The following SLC30A8 variants were observed in gnomAD, a reference collection of about 807,000 sequenced individuals.
SLC30A8 encodes the protein proton-coupled zinc antiporter SLC30A8.
In SLC30A8, 27 loss-of-function variants were observed where a neutral mutation model predicts 36.9. That is an observed-to-expected ratio of 0.73 (90% confidence interval 0.54 to 1.01). The LOEUF is 1.01. Ranked by LOEUF, SLC30A8 falls within the 50% of genes least tolerant of loss-of-function variation. The probability of loss-of-function intolerance (pLI) is 0.00; values close to 1 mark genes in which losing one functional copy is unlikely to be tolerated. For missense variants in SLC30A8, 439 were observed against 452.0 expected (o/e 0.97, Z 0.26); for synonymous variants, 164 against 172.4 (o/e 0.95, Z 0.38).
chr8:117,007,363 T>C (rs1816217913), intron 1 of SLC30A8, among the ~76,000 whole-genome samples: 1 of 152,234 alleles, frequency 6.6e-6, no homozygotes, highest in South Asian at 2.1e-4. Context: ...AAAATTAAAA[T>C]CTCTTTTCCT....
At chr8:117,148,037 T>A (rs906854996) in intron 2 of SLC30A8, among the ~76,000 whole-genome samples, 5 of 152,088 alleles carry the variant, frequency 3.3e-5, no homozygotes, top group African/African-American at 1.2e-4. Context: ...TTTGTTATAT[T>A]AGTTATAAGT....
At chr8:117,041,620 CGTA>C (rs1188045836) in intron 2 of SLC30A8, among the ~76,000 whole-genome samples, 1 of 151,708 alleles carries the variant, frequency 6.6e-6, no homozygotes, top group Non-Finnish European at 1.5e-5. Context: ...ATCCAGGAGG[CGTA>C]GGAGGCAGTG....
At chr8:117,060,839 G>A (rs976236875) in intron 2 of SLC30A8, among the ~76,000 whole-genome samples, 1 of 152,050 alleles carries the variant, frequency 6.6e-6, no homozygotes, top group African/African-American at 2.4e-5. Context: ...AGGTAACTTT[G>A]CCTCTCATCA....
At chr8:117,026,065 G>C (rs984693319) in intron 1 of SLC30A8, among the ~76,000 whole-genome samples, 2 of 152,146 alleles carry the variant, frequency 1.3e-5, no homozygotes, top group African/African-American at 4.8e-5. Flanking sequence ...GATGCAGGGG[G>C]GAGAAAAGGA....
chr8:117,015,524 A>G (rs556657152), intron 1 of SLC30A8, among the ~76,000 whole-genome samples: 1 of 128,770 alleles, frequency 7.8e-6, no homozygotes, highest in African/African-American at 3.2e-5. Context: ...AATAAATTAG[A>G]TGCTATTATG....
At chr8:117,152,398 C>T (rs1822233295) in intron 2 of SLC30A8, among the ~76,000 whole-genome samples, 1 of 152,128 alleles carries the variant, frequency 6.6e-6, no homozygotes, top group South Asian at 2.1e-4. Context: ...TGGAAGGTAC[C>T]TGCCCTTTCT....
At chr8:116,979,238 C>CAAAAAAAA (rs67998633) in intron 1 of SLC30A8, among the ~76,000 whole-genome samples, 2 of 64,308 alleles carry the variant, frequency 3.1e-5, no homozygotes, top group Non-Finnish European at 2.8e-5. Flanking sequence ...GACCCTGTCT[C>CAAAAAAAA]AAAAAAAAAA....
At chr8:117,009,947 A>G (rs1816294789) in intron 1 of SLC30A8, among the ~76,000 whole-genome samples, 1 of 152,210 alleles carries the variant, frequency 6.6e-6, no homozygotes, top group Non-Finnish European at 1.5e-5. Flanking sequence ...GGCAAAGCCA[A>G]CGCACTTGAC....
At chr8:117,078,929 C>G (rs1818574995) in intron 2 of SLC30A8, among the ~76,000 whole-genome samples, 2 of 152,118 alleles carry the variant, frequency 1.3e-5, no homozygotes, top group South Asian at 4.1e-4. Context: ...CTCAAGTGAC[C>G]CACCTGCCTT....
chr8:117,151,134 G>A (rs955476529), intron 2 of SLC30A8, among the ~76,000 whole-genome samples: 6 of 151,858 alleles, frequency 4.0e-5, no homozygotes, highest in Non-Finnish European at 8.8e-5. Context: ...ATTTTAGTCC[G>A]TGCTTTTATC....
chr8:117,009,860 T>G (rs1399683783), intron 1 of SLC30A8, among the ~76,000 whole-genome samples: 1 of 152,204 alleles, frequency 6.6e-6, no homozygotes, highest in Non-Finnish European at 1.5e-5. Context: ...ATGGGAACAT[T>G]TTTTGTCCTC....
At chr8:117,074,634 T>C (rs1408298903) in intron 2 of SLC30A8, among the ~76,000 whole-genome samples, 1 of 152,226 alleles carries the variant, frequency 6.6e-6, no homozygotes, top group Non-Finnish European at 1.5e-5. Context: ...AGTGATCTGC[T>C]CGATATCTCC....
intron 1 of SLC30A8, among the ~76,000 whole-genome samples, chr8:117,012,933 A>G (rs939195105): frequency 2.0e-5 from 3 of 152,088 alleles, no homozygotes; most frequent in Non-Finnish European, 4.4e-5. Context: ...GCTCTAAGAA[A>G]AAGATCTAAT....
chr8:117,166,611 G>A (rs111521787), intron 6 of SLC30A8, among the ~76,000 whole-genome samples: 416 of 152,180 alleles, frequency 2.7e-3, no homozygotes, highest in African/African-American at 9.6e-3. Context: ...CTGGTCCCAG[G>A]ACAACACTTC....
intron 5 of SLC30A8, among the ~76,000 whole-genome samples, chr8:117,162,541 A>G (rs1822845806): frequency 6.6e-6 from 1 of 152,190 alleles, no homozygotes; most frequent in Admixed American, 6.5e-5. Flanking sequence ...GGTAATACTG[A>G]TAACAGAGAT....
chr8:117,143,166 C>T (rs1674668246), intron 1 of SLC30A8, among the ~76,000 whole-genome samples: 1 of 151,816 alleles, frequency 6.6e-6, no homozygotes, highest in Admixed American at 6.6e-5. Context: ...AACAAAAAAA[C>T]ATTAAAAAAT....
intron 2 of SLC30A8, among the ~76,000 whole-genome samples, chr8:117,093,079 TAAAA>T (rs1819200099): frequency 6.6e-6 from 1 of 151,968 alleles, no homozygotes; most frequent in South Asian, 2.1e-4. Flanking sequence ...ACTAAGGTCT[TAAAA>T]AAGAACAGGA....
intron 1 of SLC30A8, among the ~76,000 whole-genome samples, chr8:116,980,057 A>T (rs975745290): frequency 6.6e-6 from 1 of 152,188 alleles, no homozygotes; most frequent in Non-Finnish European, 1.5e-5. Context: ...ACGACTATGG[A>T]TGTGATTCCT....
At chr8:117,064,624 A>T (rs767612372) in intron 2 of SLC30A8, among the ~76,000 whole-genome samples, 1 of 152,252 alleles carries the variant, frequency 6.6e-6, no homozygotes, top group Non-Finnish European at 1.5e-5. Flanking sequence ...AGATTTTATC[A>T]TTTGATGGCA....
Sources: gnomAD v4.1 joint callset for allele counts (sites outside exome capture counted in the v4.1 genomes callset) on GRCh38, gnomAD v4.1.1 for gene constraint, MANE v1.5 for transcripts, NCBI Gene and HGNC (gene_info 2026-07-23, HGNC 2026-07-21) for gene names.